The following RIOK1 variants were observed in gnomAD, a reference collection of about 807,000 sequenced individuals.
RIOK1 encodes the protein serine/threonine-protein kinase RIO1.
A neutral mutation model predicts 73.5 loss-of-function variants in RIOK1; 66 were observed. The observed-to-expected ratio is 0.90, with a 90% confidence interval of 0.74 to 1.10. RIOK1 has a LOEUF of 1.10. Ranked by LOEUF, RIOK1 falls within the 50% of genes least tolerant of loss-of-function variation. The pLI, the probability that RIOK1 is intolerant of heterozygous loss-of-function variation, is 0.00. For synonymous variants in RIOK1, 224 were observed against 226.8 expected, an observed-to-expected ratio of 0.99 and a Z score of 0.11; for missense variants, 658 against 699.8, an observed-to-expected ratio of 0.94 and a Z score of 0.67.
chr6:7,407,699 T>C (rs1358504049), intron 12 of RIOK1, among the ~76,000 whole-genome samples: 1 of 152,044 alleles, frequency 6.6e-6, no homozygotes, highest in African/African-American at 2.4e-5. Context: ...TCACTGTGTT[T>C]TCCAGTCTGG....
At chr6:7,402,400 C>T (rs964592041) in intron 6 of RIOK1, among the ~76,000 whole-genome samples, 1 of 152,170 alleles carries the variant, frequency 6.6e-6, no homozygotes, top group South Asian at 2.1e-4. Flanking sequence ...TTATGTGGCA[C>T]GTGACTGTAT....
chr6:7,393,844 T>C (rs1467219193), intron 2 of RIOK1, among the ~76,000 whole-genome samples: 1 of 152,144 alleles, frequency 6.6e-6, no homozygotes, highest in Non-Finnish European at 1.5e-5. Flanking sequence ...CAGGATTGTT[T>C]ATGGTAGAGG....
intron 14 of RIOK1, among the ~76,000 whole-genome samples, chr6:7,412,265 G>A (rs1009428633): frequency 6.6e-6 from 1 of 151,902 alleles, no homozygotes; most frequent in African/African-American, 2.4e-5. Flanking sequence ...GGAGGCTGAG[G>A]CACGAGAATC....
chr6:7,398,605 T>G, intron 4 of RIOK1, 93 bp from the exon 5 acceptor site: 1 of 934,174 alleles, frequency 1.1e-6, no homozygotes, highest in Admixed American at 2.0e-5. Context: ...AACTACCTAC[T>G]TAGGAATTTT....
Position 7,390,030 on chromosome 6 carries a change from C to G in RIOK1, c.28C>G (p.Arg10Gly). The change falls in exon 1 of 17, where the codon CGG (arginine) becomes GGG (glycine). Residue 10 changes from arginine (R) to glycine (G), a missense_variant. Arg to Gly is a moderately radical substitution (Grantham distance 125). Transcript: ENST00000379834. MDYRRLLMSRVVPGQFDDAD... is the reference protein window; with the variant it reads MDYRRLLMSGVVPGQFDDAD... ...GGACTACCGGCGGCTTCTCATGAGCCGGGTGGTCCCCGGGCAATTCGACGA... is the reference window on the plus strand; with the variant it reads ...GGACTACCGGCGGCTTCTCATGAGCGGGGTGGTCCCCGGGCAATTCGACGA... 1 of 1,556,882 alleles carries G rather than the reference C, an allele frequency of 6.4e-7. No homozygotes were observed. The highest frequency in any genetic ancestry group is 2.4e-5 in the East Asian group (1 of 41,154).
intron 8 of RIOK1, 50 bp from the exon 9 acceptor site, chr6:7,403,891 G>A (rs753801305): frequency 7.8e-7 from 1 of 1,279,864 alleles, no homozygotes. Context: ...AATTTATTTA[G>A]ATGCCTTTTC....
intron 4 of RIOK1, among the ~76,000 whole-genome samples, chr6:7,398,090 C>T (rs1761519965): frequency 1.3e-5 from 2 of 152,252 alleles, no homozygotes; most frequent in African/African-American, 2.4e-5. Flanking sequence ...TGCAGTGAGC[C>T]GAGATCGTGC....
intron 1 of RIOK1, 55 bp downstream of exon 1, chr6:7,390,128 C>T: frequency 6.8e-7 from 1 of 1,472,504 alleles, no homozygotes; most frequent in South Asian, 1.2e-5. Context: ...TTGACCGCCC[C>T]CTTGGGGTGT....
chr6:7,398,773 T>G lies in RIOK1; in HGVS notation c.480+33T>G, dbSNP rs772044353. The G allele has an allele frequency of 6.5e-6, 10 of 1,531,430 alleles. No individual in the cohort carries two copies. The South Asian group carries it at 1.2e-4, about 18-fold the overall frequency. 94.9% of individuals were successfully genotyped at this position (1,531,430 alleles called of 1,614,324 possible). On this transcript the variant is annotated intron_variant, in intron 5 of 16. Coordinates refer to ENST00000379834, the MANE Select transcript of RIOK1 (RefSeq NM_031480.3). ...TTAAATGTGTTGCAAACTCTTCTTT[T>G]TAATTAGCATTTCTTCTCTCTTTGA... is the stretch of plus-strand genomic sequence containing the variant.
chr6:7,394,804 T>A (rs1761431273), intron 2 of RIOK1, among the ~76,000 whole-genome samples: 1 of 152,202 alleles, frequency 6.6e-6, no homozygotes, highest in African/African-American at 2.4e-5. Context: ...CTGTTACTTA[T>A]AATAAGAGGA....
intron 14 of RIOK1, among the ~76,000 whole-genome samples, chr6:7,412,348 G>A (rs1380678312): frequency 4.7e-5 from 7 of 150,436 alleles, no homozygotes; most frequent in Non-Finnish European, 1.0e-4. Context: ...GCTACAGAGC[G>A]GAACTCTGTC....
At chr6:7,399,521 C>T (rs992275332) in intron 5 of RIOK1, among the ~76,000 whole-genome samples, 7 of 152,140 alleles carry the variant, frequency 4.6e-5, no homozygotes, top group African/African-American at 1.7e-4. Context: ...TTATTTTTGG[C>T]AGGAAATTCT....
Position 7,405,023 on chromosome 6 carries a change from T to A in RIOK1, c.1096+2T>A. Reference sequence around the variant, plus strand: ...GAAAGGATTGCGCCAACGTCAATGGTGAGTAGAAACGGCAATTTTCGAAAC... The same window carrying A: ...GAAAGGATTGCGCCAACGTCAATGGAGAGTAGAAACGGCAATTTTCGAAAC... On this transcript the variant is annotated splice_donor_variant, in intron 11 of 16. Transcript: ENST00000379834. LOFTEE classifies it high-confidence loss of function. The A allele has an allele frequency of 2.5e-6, 4 of 1,612,282 alleles. No homozygotes were observed. Among genetic ancestry groups the A allele is most frequent in the Non-Finnish European group, 3.4e-6 (4 of 1,178,626 alleles).
intron 2 of RIOK1, among the ~76,000 whole-genome samples, chr6:7,394,626 G>A (rs1043031918): frequency 3.9e-5 from 6 of 152,186 alleles, no homozygotes; most frequent in Non-Finnish European, 7.3e-5. Context: ...TAAGTGCTGA[G>A]CCTCGTACTT....
Position 7,405,308 on chromosome 6 carries a change from A to T in RIOK1, c.1156A>T (p.Thr386Ser). 3.1e-6 allele frequency: 5 copies of T among 1,613,424 alleles called. No homozygotes were observed. Among genetic ancestry groups the T allele is most frequent in the Non-Finnish European group, 4.2e-6 (5 of 1,179,456 alleles). The stretch of plus-strand genomic sequence containing the variant: ...TGTGCGGGAGCTCTTTGAATTTGTC[A>T]CAGATCCATCCATTACACATGAGAA... ...MTVRELFEFV[T>S]DPSITHENMD... is the part of the protein sequence containing the mutation. Residue 386 changes from threonine (T) to serine (S), a missense_variant, in exon 12 of 17, where the codon ACA becomes TCA. Thr to Ser is a moderately conservative substitution (Grantham distance 58, BLOSUM62 1). Coordinates refer to ENST00000379834, the MANE Select transcript of RIOK1 (RefSeq NM_031480.3).
chr6:7,416,274 T>C (rs934405779), intron 16 of RIOK1, among the ~76,000 whole-genome samples: 1 of 152,248 alleles, frequency 6.6e-6, no homozygotes, highest in East Asian at 1.9e-4. Flanking sequence ...TGTTAGAATA[T>C]GGAACTTGTA....
intron 5 of RIOK1, 129 bp downstream of exon 5, chr6:7,398,869 C>A: frequency 1.4e-6 from 1 of 702,248 alleles, no homozygotes; most frequent in Non-Finnish European, 2.3e-6. Context: ...TAAAATTATT[C>A]CTTTTTATAG....
intron 10 of RIOK1, among the ~76,000 whole-genome samples, 176 bp downstream of exon 10, chr6:7,404,731 T>A (rs1241607729): frequency 6.6e-6 from 1 of 152,240 alleles, no homozygotes; most frequent in Non-Finnish European, 1.5e-5. Flanking sequence ...ATTGACTGCT[T>A]GGATCATTAA....
intron 5 of RIOK1, among the ~76,000 whole-genome samples, chr6:7,400,320 T>G (rs114618043): frequency 1.0e-3 from 156 of 152,270 alleles, no homozygotes; most frequent in African/African-American, 3.7e-3. Context: ...ATTCTTAACT[T>G]GCAAGCTAAG....
Sources: allele counts gnomAD v4.1 joint callset (sites outside exome capture counted in the v4.1 genomes callset), GRCh38; gene constraint gnomAD v4.1.1; transcripts MANE v1.5; gene names NCBI Gene and HGNC (gene_info 2026-07-23, HGNC 2026-07-21).